RPTOR: variants seen among roughly 807,000 people sequenced by gnomAD.
The protein encoded by RPTOR is regulatory-associated protein of mTOR.
RPTOR carries 21 observed loss-of-function variants against 169.9 expected under a neutral mutation model. The ratio of observed to expected loss-of-function variants is 0.12; its 90% CI spans 0.09 to 0.18. The LOEUF (loss-of-function observed/expected upper bound fraction) is 0.18. RPTOR is among the 10% of genes least tolerant of loss of function. The probability of loss-of-function intolerance (pLI) is 1.00; values close to 1 mark genes in which losing one functional copy is unlikely to be tolerated. For synonymous variants in RPTOR, 732 were observed against 753.2 expected, an observed-to-expected ratio of 0.97 and a Z score of 0.46; for missense variants, 1,133 against 1,855.9, an observed-to-expected ratio of 0.61 and a Z score of 7.16.
intron 1 of RPTOR, among the ~76,000 whole-genome samples, chr17:80,603,912 G>C (rs1176186512): frequency 6.6e-6 from 1 of 152,228 alleles, no homozygotes; most frequent in Non-Finnish European, 1.5e-5. Context: ...TTGGAAAACA[G>C]TTGAGGCACA....
intron 17 of RPTOR, among the ~76,000 whole-genome samples, chr17:80,887,113 G>C (rs1279195284): frequency 1.3e-5 from 2 of 152,062 alleles, no homozygotes; most frequent in Non-Finnish European, 2.9e-5. Flanking sequence ...TGTCTGGAGG[G>C]AGGAAGGCTA....
chr17:80,817,937 T>A (rs1425645948), intron 7 of RPTOR, among the ~76,000 whole-genome samples: 1 of 152,198 alleles, frequency 6.6e-6, no homozygotes, highest in African/African-American at 2.4e-5. Context: ...GTCATCATGA[T>A]GACCTGGATG....
At chr17:80,879,813 C>T (rs910896179) in intron 13 of RPTOR, among the ~76,000 whole-genome samples, 1 of 152,182 alleles carries the variant, frequency 6.6e-6, no homozygotes. Flanking sequence ...TGGCCTGAAG[C>T]GTGGGAAGGT....
At chr17:80,774,751 C>T (rs1490603976) in intron 6 of RPTOR, among the ~76,000 whole-genome samples, 3 of 152,196 alleles carry the variant, frequency 2.0e-5, no homozygotes, top group South Asian at 2.1e-4. Flanking sequence ...GCATTTGCGG[C>T]GCCACATCCC....
rs1035000247 is a variant in RPTOR, at chr17:80,707,141, G to T, written c.349-700G>T. On this transcript the variant is annotated intron_variant, in intron 3 of 33. Transcript: ENST00000306801. This position sits in a 1 kb window ranked among gnomAD's most constrained non-coding sequence, Gnocchi z 5.0. The stretch of plus-strand genomic sequence containing the variant: ...TTTCAGCAGGGCGATTCCTTACTCG[G>T]TCTCTTCACTCTTCTGCCATTGCTG... 2.6e-5 allele frequency among the ~76,000 whole-genome samples: 4 copies of T among 152,170 alleles called. No homozygotes were observed. Among genetic ancestry groups the T allele is most frequent in the Admixed American group, 2.6e-4 (4 of 15,274 alleles).
At position 80,730,686 on chromosome 17, in the gene RPTOR, C is replaced by G. The variant is rs1206022118; in HGVS notation, c.634C>G (p.Gln212Glu). 1 of 1,611,628 alleles carries G rather than the reference C, an allele frequency of 6.2e-7. No individual in the cohort carries two copies. Among genetic ancestry groups the G allele is most frequent in the Non-Finnish European group, 8.5e-7 (1 of 1,179,186 alleles). ...CAAGTCCTTCAAGCAGTTCGCACTA[C>G]AGCGGGAGCAGGAGCTGGAGGTGAG... ...IVKSFKQFAL[Q>E]REQELEVAAI... Residue 212 changes from glutamine to glutamate, a missense_variant, in exon 5 of 34, where the codon CAG becomes GAG. Gln to Glu is a conservative substitution (Grantham distance 29). Transcript: ENST00000306801. This position sits in a 1 kb window ranked among gnomAD's most constrained non-coding sequence, Gnocchi z 4.2.
chr17:80,885,497 C>T (rs1338245980), intron 17 of RPTOR, among the ~76,000 whole-genome samples: 2 of 152,162 alleles, frequency 1.3e-5, no homozygotes, highest in Non-Finnish European at 2.9e-5. Flanking sequence ...CCCCCAACAC[C>T]CCATGTACGT....
chr17:80,822,110 G>A (rs1245011155), intron 7 of RPTOR, 91 bp from the exon 8 acceptor site: 12 of 1,196,070 alleles, frequency 1.0e-5, no homozygotes, highest in Admixed American at 3.4e-5. Context: ...AGAGCCTTTC[G>A]CCGCCCGCGC....
intron 1 of RPTOR, among the ~76,000 whole-genome samples, chr17:80,550,333 C>A (rs936090609): frequency 1.3e-5 from 2 of 152,184 alleles, no homozygotes; most frequent in Admixed American, 1.3e-4. Context: ...TGTGTCTCCA[C>A]GAAACTCGGA....
intron 13 of RPTOR, among the ~76,000 whole-genome samples, chr17:80,866,405 G>A (rs970695196): frequency 1.3e-5 from 2 of 152,116 alleles, no homozygotes; most frequent in African/African-American, 4.8e-5. Flanking sequence ...CAGCGTGAGT[G>A]GAGTAAACCC....
At chr17:80,834,575 G>A (rs2067542934) in intron 9 of RPTOR, among the ~76,000 whole-genome samples, 1 of 152,198 alleles carries the variant, frequency 6.6e-6, no homozygotes, top group African/African-American at 2.4e-5. Flanking sequence ...CTGGATCCAA[G>A]TGGGCCCCCA....
chr17:80,739,743 A>G (rs1236292025), intron 5 of RPTOR, among the ~76,000 whole-genome samples: 2 of 152,246 alleles, frequency 1.3e-5, no homozygotes, highest in Non-Finnish European at 2.9e-5. Flanking sequence ...AAAAATACAT[A>G]GAGTTAGATG....
In RPTOR at chr17:80,946,467, C is replaced by G. The variant is rs565004025; in HGVS notation, c.3140+686C>G. On this transcript the variant is annotated intron_variant, in intron 26 of 33. Transcript: ENST00000306801. ...CATCACACAAAACCAAAACTTGGTC[C>G]CCATCAGACACCAGCTCCCCATTCC... Among the ~76,000 whole-genome samples the G allele has an allele frequency of 8.4e-4, 128 of 152,298 alleles. 1 individual carries two copies. The highest frequency in any genetic ancestry group is 1.5e-3 in the Non-Finnish European group (99 of 68,032).
chr17:80,957,830 C>A lies in RPTOR; in HGVS notation c.3477+100C>A. 1 of 1,091,302 alleles carries A rather than the reference C, an allele frequency of 9.2e-7. No homozygotes were observed. Among genetic ancestry groups the A allele is most frequent in the Non-Finnish European group, 1.4e-6 (1 of 726,422 alleles). The allele number at this position is 1,091,302 out of a possible 1,614,324, so 67.6% of individuals were successfully genotyped here. A position where few individuals can be genotyped will look rare whatever the true frequency, so the allele number is the denominator to read the frequency against. On this transcript the variant is annotated intron_variant, in intron 29 of 33. Coordinates refer to ENST00000306801, the MANE Select transcript of RPTOR (RefSeq NM_020761.3). This position sits in a 1 kb window ranked among gnomAD's most constrained non-coding sequence, Gnocchi z 4.6. ...CAGCAAAGTGTGCGGTGAGGCCTGG[C>A]CATCCCAGGGGTGGAGTCAGGGCCT...
chr17:80,751,320 G>T (rs544581863), intron 5 of RPTOR, among the ~76,000 whole-genome samples: 2 of 152,290 alleles, frequency 1.3e-5, no homozygotes, highest in South Asian at 4.1e-4. Flanking sequence ...AAAATCAGGG[G>T]CAGTGCCCGG....
chr17:80,817,256 C>T (rs550740796), intron 7 of RPTOR, among the ~76,000 whole-genome samples: 18 of 152,260 alleles, frequency 1.2e-4, no homozygotes, highest in African/African-American at 2.4e-4. Flanking sequence ...TTCAAGCCCC[C>T]GTCTGTCTGG....
intron 1 of RPTOR, among the ~76,000 whole-genome samples, chr17:80,590,242 T>C (rs1017166509): frequency 1.3e-5 from 2 of 150,572 alleles, no homozygotes; most frequent in African/African-American, 4.9e-5. Context: ...TGTGTTAGCA[T>C]GGTGAAGGAG....
intron 1 of RPTOR, 93 bp from the exon 2 acceptor site, chr17:80,625,598 T>C: frequency 1.0e-6 from 1 of 979,460 alleles, no homozygotes; most frequent in Non-Finnish European, 1.6e-6. Flanking sequence ...GGGAAGGGGC[T>C]CAATGTTCTG....
At chr17:80,923,777 G>A (rs1567989430) in intron 23 of RPTOR, 104 bp downstream of exon 23, 1 of 1,279,464 alleles carries the variant, frequency 7.8e-7, no homozygotes, top group South Asian at 1.5e-5. Flanking sequence ...CATGGGATGG[G>A]GCAGGACCCA....
Sources: gnomAD v4.1 joint callset for allele counts (sites outside exome capture counted in the v4.1 genomes callset) on GRCh38, gnomAD v4.1.1 for gene constraint, Gnocchi (gnomAD v3.1) non-coding constraint, MANE v1.5 for transcripts, NCBI Gene and HGNC (gene_info 2026-07-23, HGNC 2026-07-21) for gene names.